Variants in ZNF653 observed in about 807,000 individuals in gnomAD.
The protein encoded by ZNF653 is zinc finger protein 653, also known as 67 kDa zinc finger protein.
Under a neutral mutation model 59.9 loss-of-function variants are expected in ZNF653, and 37 were observed. The ratio of observed to expected loss-of-function variants is 0.62; its 90% CI spans 0.48 to 0.81. The LOEUF (loss-of-function observed/expected upper bound fraction) is 0.81. ZNF653 is among the 40% of genes least tolerant of loss of function. ZNF653 has a pLI of 0.00. For missense variants in ZNF653, 808 were observed against 881.1 expected (o/e 0.92, Z 1.05); for synonymous variants, 435 against 371.8 (o/e 1.17, Z -1.96).
In ZNF653 at chr19:11,501,340, G is replaced by A. The variant is rs1304050843; in HGVS notation, c.300-3001C>T. Among the ~76,000 whole-genome samples the A allele has an allele frequency of 4.6e-5, 7 of 151,660 alleles. No individual in the cohort carries two copies. The East Asian group carries it at 9.7e-4, about 21-fold the overall frequency. ...ACCACAGGCATGCACCACCACACCCGGCTAACTTTTGTACTTTTTGTAGAG... is the reference window on the plus strand; with the variant it reads ...ACCACAGGCATGCACCACCACACCCAGCTAACTTTTGTACTTTTTGTAGAG... On this transcript the variant is annotated intron_variant, in intron 1 of 8. Coordinates refer to ENST00000293771, the MANE Select transcript of ZNF653 (RefSeq NM_138783.4).
intron 7 of ZNF653, among the ~76,000 whole-genome samples, chr19:11,484,979 G>A (rs1341517280): frequency 1.3e-5 from 2 of 151,578 alleles, no homozygotes; most frequent in Non-Finnish European, 2.9e-5. Context: ...GAACCCGGGA[G>A]GCAGAGGCTG....
intron 1 of ZNF653, among the ~76,000 whole-genome samples, chr19:11,499,423 C>T (rs1307191220): frequency 6.6e-6 from 1 of 152,060 alleles, no homozygotes; most frequent in Non-Finnish European, 1.5e-5. Flanking sequence ...AGCCTGTAGT[C>T]CCAGCTACTT....
At position 11,485,073 on chromosome 19, in the gene ZNF653, CA is replaced by C. The variant is rs144338386; in HGVS notation, c.1570+582del. Reference sequence around the variant, plus strand: ...TAACCACACACACATTAAAAAAAACCAAAAAAAACAAAAAAAACCCCCAAAC... The same window carrying C: ...TAACCACACACACATTAAAAAAAACCAAAAAAACAAAAAAAACCCCCAAAC... On this transcript the variant is annotated intron_variant, in intron 7 of 8. Coordinates refer to ENST00000293771, the MANE Select transcript of ZNF653 (RefSeq NM_138783.4). Among the ~76,000 whole-genome samples the C allele has an allele frequency of 3.3e-5, 5 of 150,158 alleles. No homozygotes were observed. The South Asian group carries it at 8.4e-4, about 25-fold the overall frequency.
In ZNF653 at chr19:11,484,058, C is replaced by T. The variant is rs1971438486; in HGVS notation, c.1654G>A (p.Gly552Ser). Residue 552 changes from glycine to serine, a missense_variant, in exon 8 of 9, where the codon GGC (glycine) becomes AGC (serine). Transcript: ENST00000293771. ...HLEVHRRTHT[G>S]ETPLQCEICG... ...GTCACTCACTGCAGGGGGGTCTCGC[C>T]GGTGTGGGTGCGCCGATGTACCTCC... 3 of 1,557,520 alleles carry T rather than the reference C, an allele frequency of 1.9e-6. No individual in the cohort carries two copies. Among genetic ancestry groups the T allele is most frequent in the Non-Finnish European group, 1.7e-6 (2 of 1,150,482 alleles).
chr19:11,491,212 C>T (rs377317702), intron 3 of ZNF653, among the ~76,000 whole-genome samples: 3 of 152,302 alleles, frequency 2.0e-5, no homozygotes, highest in South Asian at 2.1e-4. Context: ...GCACCAGCAC[C>T]GACTACATTT....
intron 3 of ZNF653, among the ~76,000 whole-genome samples, chr19:11,493,770 G>T (rs1335653809): frequency 6.6e-6 from 1 of 152,226 alleles, no homozygotes; most frequent in East Asian, 1.9e-4. Context: ...TGTAATCCCA[G>T]CACTTTGGGA....
intron 3 of ZNF653, among the ~76,000 whole-genome samples, chr19:11,491,129 G>A (rs1385848354): frequency 1.3e-5 from 2 of 152,176 alleles, no homozygotes; most frequent in South Asian, 2.1e-4. Flanking sequence ...TTGGGTCCCC[G>A]GCTCCTAAGA....
chr19:11,500,948 T>G (rs1275726512), intron 1 of ZNF653: 1 of 152,452 alleles, frequency 6.6e-6, no homozygotes, highest in Non-Finnish European at 1.5e-5. Flanking sequence ...GCCTTCCCTC[T>G]CCTGTCCACT....
chr19:11,498,453 G>A, intron 1 of ZNF653, 114 bp from the exon 2 acceptor site: 2 of 1,403,546 alleles, frequency 1.4e-6, no homozygotes, highest in Non-Finnish European at 2.0e-6. Flanking sequence ...AACTAAATCT[G>A]AACTTTTTGA....
Position 11,487,864 on chromosome 19 carries a change from C to A in ZNF653, c.599G>T (p.Ser200Ile). 1 of 1,605,724 alleles carries A rather than the reference C, an allele frequency of 6.2e-7. No individual in the cohort carries two copies. The highest frequency in any genetic ancestry group is 1.7e-5 in the Admixed American group (1 of 59,530). The stretch of plus-strand genomic sequence containing the variant: ...CTCAGAGTCAGAGGCAGAGCCAGAG[C>A]TGGATGAGTCAGAGCTGCCAGCCAC... ...GLVAGSSDSS[S>I]SGSASDSEES... The change falls in exon 4 of 9, where the codon AGC (serine) becomes ATC (isoleucine). Residue 200 changes from serine to isoleucine, a missense_variant. Coordinates refer to ENST00000293771, the MANE Select transcript of ZNF653 (RefSeq NM_138783.4). The surrounding 1 kb of genome is among the most constrained non-coding windows in gnomAD (Gnocchi z 5.1).
intron 1 of ZNF653, among the ~76,000 whole-genome samples, chr19:11,501,446 T>C (rs1054859405): frequency 6.7e-6 from 1 of 150,112 alleles, no homozygotes; most frequent in Non-Finnish European, 1.5e-5. Context: ...CCCAAAGTGC[T>C]GGGATTACAG....
chr19:11,504,552 C>G (rs1971685958), intron 1 of ZNF653: 1 of 985,294 alleles, frequency 1.0e-6, no homozygotes, highest in Non-Finnish European at 1.2e-6. Context: ...TATAAGCCAG[C>G]CTGCTGTCCT....
chr19:11,484,202 C>G, intron 7 of ZNF653, 61 bp from the exon 8 acceptor site: 2 of 1,304,006 alleles, frequency 1.5e-6, no homozygotes, highest in Non-Finnish European at 2.2e-6. Flanking sequence ...TGATGTGCTG[C>G]AGACTCTGAT....
rs764070265 is a variant in ZNF653, at chr19:11,486,725, G to C, written c.1455+44C>G. On this transcript the variant is annotated intron_variant, in intron 6 of 8. Transcript: ENST00000293771. The stretch of plus-strand genomic sequence containing the variant: ...GACATCCTGGTGGTGCCATGGCCTG[G>C]GCCTTGTGGGCCTGGCCCAGGCTGC... 2.7e-6 allele frequency: 4 copies of C among 1,506,292 alleles called. No individual in the cohort carries two copies. The South Asian group carries it at 4.7e-5, about 18-fold the overall frequency. 93.3% of individuals were successfully genotyped at this position (1,506,292 alleles called of 1,614,324 possible). A position where few individuals can be genotyped will look rare whatever the true frequency, so the allele number is the denominator to read the frequency against.
In ZNF653 at chr19:11,497,271, C is replaced by T. The variant is rs531283137; in HGVS notation, c.343+1025G>A. ...CAAGAGCAGGAACACTGCTGTTTTG[C>T]TCCTCCTGTACCCCCAGTGCCCCCA... On this transcript the variant is annotated intron_variant, in intron 2 of 8. Coordinates refer to ENST00000293771, the MANE Select transcript of ZNF653 (RefSeq NM_138783.4). 3.9e-5 allele frequency among the ~76,000 whole-genome samples: 6 copies of T among 152,248 alleles called. No homozygotes were observed. The South Asian group carries it at 1.2e-3, about 31-fold the overall frequency.
At chr19:11,496,700 T>C (rs1038376925) in intron 2 of ZNF653, among the ~76,000 whole-genome samples, 5 of 152,210 alleles carry the variant, frequency 3.3e-5, no homozygotes, top group Admixed American at 1.3e-4. Flanking sequence ...AAAACCCATC[T>C]TTACTAAAAA....
At chr19:11,484,239 T>G in intron 7 of ZNF653, 98 bp from the exon 8 acceptor site, 5 of 997,984 alleles carry the variant, frequency 5.0e-6, no homozygotes, top group South Asian at 4.2e-5. Context: ...GGCTGTCTCC[T>G]TGGATCTCCC....
Position 11,496,083 on chromosome 19 carries a change from G to A in ZNF653, c.426C>T (p.His142=). ...DHKHRCPYEP[H]LAELDPTFGL... ...CAAAAGTGGGGTCTAGCTCCGCCAG[G>A]TGCGGCTCGTACGGGCAGCGGTGCT... The change falls in exon 3 of 9, where the codon CAC becomes CAT. Residue 142 remains histidine, a synonymous_variant. Coordinates refer to ENST00000293771, the MANE Select transcript of ZNF653 (RefSeq NM_138783.4). 2 of 1,614,146 alleles carry A rather than the reference G, an allele frequency of 1.2e-6. No individual in the cohort carries two copies. The highest frequency in any genetic ancestry group is 1.7e-6 in the Non-Finnish European group (2 of 1,180,018).
rs79776710 is a variant in ZNF653, at chr19:11,487,623, C to T, written c.840G>A (p.Pro280=). The part of the protein sequence containing the change: ...PEALETVVCV[P]VPVQVGAGPS... ...GGCCCGCACCCACTTGCACAGGCAC[C>T]GGCACGCACACCACTGTCTCCAGGG... The change falls in exon 4 of 9, where the codon CCG becomes CCA. Residue 280 remains proline, a synonymous_variant. Transcript: ENST00000293771. This position sits in a 1 kb window ranked among gnomAD's most constrained non-coding sequence, Gnocchi z 5.1. 732 of 1,613,834 alleles carry T rather than the reference C, an allele frequency of 4.5e-4. 1 individual carries two copies. The African/African-American group carries it at 6.3e-3, about 14-fold the overall frequency.
Sources: gnomAD v4.1 joint callset for allele counts (sites outside exome capture counted in the v4.1 genomes callset) on GRCh38, gnomAD v4.1.1 for gene constraint, Gnocchi (gnomAD v3.1) non-coding constraint, MANE v1.5 for transcripts, NCBI Gene and HGNC (gene_info 2026-07-23, HGNC 2026-07-21) for gene names.